The following DYSF variants were observed in gnomAD, a reference collection of about 807,000 sequenced individuals.
DYSF encodes dystrophy-associated fer-1-like 1.
Under a neutral mutation model 274.9 loss-of-function variants are expected in DYSF, and 212 were observed. The observed-to-expected ratio is 0.77, with a 90% CI of 0.69 to 0.86. The LOEUF is 0.86. DYSF is among the 40% of genes least tolerant of loss of function. The pLI is 0.00. For missense variants in DYSF, 2,666 were observed against 2,783.2 expected, an observed-to-expected ratio of 0.96 and a Z score of 0.95; for synonymous variants, 1,091 against 1,078.7, an observed-to-expected ratio of 1.01 and a Z score of -0.22.
chr2:71,592,026 C>T (rs990026521), intron 32 of DYSF, among the ~76,000 whole-genome samples: 46 of 152,234 alleles, frequency 3.0e-4, no homozygotes, highest in African/African-American at 9.9e-4. Context: ...AGGAGTCTGA[C>T]GATTAGAACT....
chr2:71,613,496 T>C (rs546121177), intron 40 of DYSF, 86 bp downstream of exon 40: 1 of 1,153,824 alleles, frequency 8.7e-7, no homozygotes, highest in East Asian at 2.5e-5. Context: ...CTACCCTTCA[T>C]TATCACACAG....
intron 3 of DYSF, among the ~76,000 whole-genome samples, chr2:71,486,774 G>T (rs1384400988): frequency 6.6e-6 from 1 of 152,204 alleles, no homozygotes; most frequent in African/African-American, 2.4e-5. Flanking sequence ...ATAAAAGGAA[G>T]CTCCACTCCT....
At chr2:71,484,083 T>G (rs1232620862) in intron 3 of DYSF, among the ~76,000 whole-genome samples, 3 of 144,668 alleles carry the variant, frequency 2.1e-5, no homozygotes, top group Non-Finnish European at 4.5e-5. Context: ...GACGAAGTCT[T>G]GCTCTGTGGC....
chr2:71,586,519 C>G (rs2093073701), intron 30 of DYSF, among the ~76,000 whole-genome samples: 1 of 152,000 alleles, frequency 6.6e-6, no homozygotes, highest in Non-Finnish European at 1.5e-5. Flanking sequence ...GTTCCTCCCC[C>G]TGCAGGACAG....
At chr2:71,624,035 C>G (rs1356761067) in intron 41 of DYSF, among the ~76,000 whole-genome samples, 1 of 151,540 alleles carries the variant, frequency 6.6e-6, no homozygotes. Flanking sequence ...CATCACTGCA[C>G]TCTATCCTGG....
At chr2:71,467,470 G>A (rs1487934113) in intron 1 of DYSF, among the ~76,000 whole-genome samples, 1 of 152,200 alleles carries the variant, frequency 6.6e-6, no homozygotes, top group Non-Finnish European at 1.5e-5. Context: ...TTTGAGGAAT[G>A]TCAAGGATAT....
intron 16 of DYSF, among the ~76,000 whole-genome samples, chr2:71,537,864 A>G (rs769057086): frequency 5.3e-5 from 8 of 152,150 alleles, no homozygotes; most frequent in South Asian, 2.1e-4. Context: ...CGGGGCACCA[A>G]GAAGAAGGGG....
In DYSF at chr2:71,665,285, A is replaced by G. The variant is rs769272706; in HGVS notation, c.5298A>G (p.Glu1766=). Residue 1766 remains glutamate (E), a synonymous_variant, in exon 47 of 56, where the codon GAA becomes GAG. Transcript: ENST00000410020. ...RTDRVMFQDK[E]YSIEEIEAGR... is the part of the protein sequence containing the mutation. The stretch of plus-strand genomic sequence containing the variant: ...ACCGTGTAATGTTTCAGGATAAAGA[A>G]TATTCCATTGAAGAGATAGGTGAGC... The G allele has an allele frequency of 2.5e-6, 4 of 1,614,074 alleles. No homozygotes were observed. The African/African-American group carries it at 4.0e-5, about 16-fold the overall frequency.
intron 51 of DYSF, among the ~76,000 whole-genome samples, chr2:71,671,773 G>T (rs1249636396): frequency 6.6e-6 from 1 of 152,176 alleles, no homozygotes; most frequent in Non-Finnish European, 1.5e-5. Flanking sequence ...AATTTGGGGT[G>T]GCTCCATTCT....
At chr2:71,665,890 T>G (rs2094993934) in intron 47 of DYSF, among the ~76,000 whole-genome samples, 1 of 151,984 alleles carries the variant, frequency 6.6e-6, no homozygotes, top group Non-Finnish European at 1.5e-5. Flanking sequence ...CCCGCAGGCC[T>G]GCATCACCCA....
Position 71,613,491 on chromosome 2 carries a change from C to T in DYSF, c.4464+81C>T, listed in dbSNP as rs530989553. The T allele has an allele frequency of 4.1e-6, 5 of 1,204,942 alleles. No individual in the cohort carries two copies. The East Asian group carries it at 1.0e-4, about 24-fold the overall frequency. 74.6% of individuals were successfully genotyped at this position (1,204,942 alleles called of 1,614,324 possible). A position where few individuals can be genotyped will look rare whatever the true frequency, so the allele number is the denominator to read the frequency against. On this transcript the variant is annotated intron_variant, in intron 40 of 55. Coordinates refer to ENST00000410020, the MANE Select transcript of DYSF (RefSeq NM_001130987.2). ...CAATTCCCACCCCTTCTCCCCTACC[C>T]TTCATTATCACACAGCCTCTATACA... is the stretch of plus-strand genomic sequence containing the variant.
At chr2:71,654,299 A>G (rs1572982533) in intron 42 of DYSF, among the ~76,000 whole-genome samples, 1 of 152,386 alleles carries the variant, frequency 6.6e-6, no homozygotes, top group Non-Finnish European at 1.5e-5. Context: ...AACACTGTAG[A>G]TAGGAGTATA....
intron 41 of DYSF, among the ~76,000 whole-genome samples, chr2:71,627,983 A>G (rs1259706882): frequency 2.6e-5 from 4 of 152,024 alleles, no homozygotes; most frequent in Non-Finnish European, 5.9e-5. Context: ...AGTTTTAGCT[A>G]TCTCTCCTGT....
At chr2:71,478,046 T>G (rs1009609680) in intron 1 of DYSF, among the ~76,000 whole-genome samples, 1 of 151,074 alleles carries the variant, frequency 6.6e-6, no homozygotes, top group Non-Finnish European at 1.5e-5. Flanking sequence ...AGTTATAGTT[T>G]TTTTTTTTTT....
intron 30 of DYSF, among the ~76,000 whole-genome samples, chr2:71,581,460 C>T (rs1031031794): frequency 1.3e-5 from 2 of 152,234 alleles, no homozygotes; most frequent in African/African-American, 4.8e-5. Flanking sequence ...TTAAAGGGTT[C>T]CCCTCCTTTG....
chr2:71,657,259 C>T (rs2094792535), intron 43 of DYSF, among the ~76,000 whole-genome samples: 1 of 152,244 alleles, frequency 6.6e-6, no homozygotes, highest in Non-Finnish European at 1.5e-5. Context: ...CTCCAGGTCT[C>T]ACATCTAGGT....
chr2:71,513,868 C>G lies in DYSF; in HGVS notation c.706C>G (p.Arg236Gly), dbSNP rs373585652. ...CCACTACCCCGGGATCAAAAGAAAG[C>G]GAAGTGCGCCTACATCTAGAAAGCT... The part of the protein sequence containing the change: ...PPHYPGIKRK[R>G]SAPTSRKLLS... The change falls in exon 7 of 56, where the codon CGA (arginine) becomes GGA (glycine). Residue 236 changes from arginine to glycine, a missense_variant. Around this residue, in one of 3 missense-constraint regions of DYSF, gnomAD observed 794 missense variants for 777.1 expected, o/e 1.02. Transcript: ENST00000410020. 14 of 1,614,206 alleles carry G rather than the reference C, an allele frequency of 8.7e-6. No homozygotes were observed. Among genetic ancestry groups the G allele is most frequent in the East Asian group, 6.7e-5 (3 of 44,872 alleles).
chr2:71,515,817 A>T (rs1288905565), intron 8 of DYSF, 66 bp downstream of exon 8: 2 of 1,606,292 alleles, frequency 1.2e-6, no homozygotes, highest in Non-Finnish European at 1.7e-6. Context: ...CCCAGTGCAG[A>T]CACCTGGCAA....
At chr2:71,685,507 C>A (rs1863809) in intron 55 of DYSF, among the ~76,000 whole-genome samples, 115,812 of 152,152 alleles carry the variant, frequency 0.76, 45,465 homozygotes, top group Non-Finnish European at 0.87. Context: ...CCCTGGTGAC[C>A]CTCACCTGGC....
Sources: allele counts gnomAD v4.1 joint callset (sites outside exome capture counted in the v4.1 genomes callset), GRCh38; gene constraint gnomAD v4.1.1; regional missense constraint gnomAD v4.1.1; transcripts MANE v1.5; gene names NCBI Gene and HGNC (gene_info 2026-07-23, HGNC 2026-07-21).